TENM3: variants seen among roughly 807,000 people sequenced by gnomAD.
TENM3 encodes teneurin-3.
TENM3 carries 63 observed loss-of-function variants against 255.1 expected under a neutral mutation model. The ratio of observed to expected loss-of-function variants is 0.25; its 90% confidence interval spans 0.20 to 0.30. TENM3 has a LOEUF of 0.30. TENM3 is among the 10% of genes least tolerant of loss of function. The pLI is 1.00. For synonymous variants in TENM3, 1,306 were observed against 1,322.3 expected, an observed-to-expected ratio of 0.99 and a Z score of 0.27; for missense variants, 2,929 against 3,461.1, an observed-to-expected ratio of 0.85 and a Z score of 3.86.
At chr4:181,900,606 A>G in the TENM3 span, among the ~76,000 whole-genome samples, 8 of 152,208 alleles carry the variant, frequency 5.3e-5, no homozygotes, top group African/African-American at 1.9e-4. Context: ...ATACTCTTGA[A>G]GTCTCCAAGC....
chr4:182,274,795 G>A (rs1759883210), intron 1 of TENM3, among the ~76,000 whole-genome samples: 3 of 152,118 alleles, frequency 2.0e-5, no homozygotes, highest in South Asian at 4.2e-4. Flanking sequence ...AAGTCCAGTG[G>A]TCTCTAATTT....
At chr4:182,448,798 CGGGGCGAGGGGGT>C (rs1352119760) in intron 3 of TENM3, among the ~76,000 whole-genome samples, 1 of 149,828 alleles carries the variant, frequency 6.7e-6, no homozygotes, top group African/African-American at 2.5e-5. Flanking sequence ...GTGTGTGGAG[CGGGGCGAGGGGGT>C]GAGGCGAGGG....
At chr4:181,712,694 C>T in the TENM3 span, among the ~76,000 whole-genome samples, 2,834 of 152,274 alleles carry the variant, frequency 0.019, 46 homozygotes, top group Middle Eastern at 0.11. Flanking sequence ...TGCAGTGGGA[C>T]TGCAGTTTAT....
Position 182,754,457 on chromosome 4 carries a change from G to A in TENM3, c.4090G>A (p.Val1364Ile). 1 of 1,612,230 alleles carries A rather than the reference G, an allele frequency of 6.2e-7. No individual in the cohort carries two copies. The highest frequency in any genetic ancestry group is 8.5e-7 in the Non-Finnish European group (1 of 1,179,084). The change falls in exon 22 of 28, where the codon GTA becomes ATA. Residue 1364 changes from valine (V) to isoleucine (I), a missense_variant. By Grantham distance (29) the Val-to-Ile change is conservative. Transcript: ENST00000511685. The surrounding 1 kb of genome is among the most constrained non-coding windows in gnomAD (Gnocchi z 5.1). Reference protein sequence around the residue: ...DNSIYVLDNNVVLQITENRQV... With the variant: ...DNSIYVLDNNIVLQITENRQV... ...CTCCATTTATGTCCTGGATAATAAT[G>A]TAGTTTTACAGATCACTGAAAATCG...
chr4:182,452,521 G>A (rs114513611), intron 3 of TENM3, among the ~76,000 whole-genome samples: 1,946 of 152,276 alleles, frequency 0.013, 36 homozygotes, highest in African/African-American at 0.038. Flanking sequence ...GGCTATTAGA[G>A]GAGTGGGAGA....
chr4:181,960,447 G>A, the TENM3 span, among the ~76,000 whole-genome samples: 1 of 152,254 alleles, frequency 6.6e-6, no homozygotes, highest in African/African-American at 2.4e-5. Context: ...TTTCTTGAGG[G>A]CAACTTTAAA....
At chr4:181,626,427 G>C in the TENM3 span, among the ~76,000 whole-genome samples, 5 of 152,174 alleles carry the variant, frequency 3.3e-5, no homozygotes, top group Admixed American at 3.3e-4. Flanking sequence ...AAAGAAAAGA[G>C]GTTGCATTGG....
the TENM3 span, among the ~76,000 whole-genome samples, chr4:181,972,018 A>G: frequency 9.4e-6 from 1 of 106,398 alleles, no homozygotes; most frequent in Admixed American, 8.1e-5. Flanking sequence ...AGCAAACTGC[A>G]TCAGTTTTTT....
At chr4:182,124,517 G>A in the TENM3 span, among the ~76,000 whole-genome samples, 1 of 152,196 alleles carries the variant, frequency 6.6e-6, no homozygotes, top group African/African-American at 2.4e-5. Flanking sequence ...TGTTCACCAA[G>A]GGAGTGAGTC....
Position 182,346,665 on chromosome 4 carries a change from C to G in TENM3, c.247C>G (p.Leu83Val), listed in dbSNP as rs748767039. The part of the protein sequence containing the change: ...EFTRQGQNFT[L>V]RQLGVCEPAT... ...CCCCTAATTAGGACAGAATTTTACCCTAAGGCAGTTAGGAGTTTGTGAACC... is the reference window on the plus strand; with the variant it reads ...CCCCTAATTAGGACAGAATTTTACCGTAAGGCAGTTAGGAGTTTGTGAACC... Residue 83 changes from leucine to valine, a missense_variant, in exon 3 of 28, where the codon CTA becomes GTA. This residue lies in a region of TENM3 where 283 missense variants were observed against 256.9 expected (regional missense o/e 1.10). Coordinates refer to ENST00000511685, the MANE Select transcript of TENM3 (RefSeq NM_001080477.4). The G allele has an allele frequency of 1.7e-5, 27 of 1,613,458 alleles. No homozygotes were observed. Among genetic ancestry groups the G allele is most frequent in the Non-Finnish European group, 2.3e-5 (27 of 1,179,800 alleles).
At chr4:181,628,525 G>C in the TENM3 span, among the ~76,000 whole-genome samples, 66 of 152,304 alleles carry the variant, frequency 4.3e-4, 1 homozygote, top group African/African-American at 1.6e-3. Flanking sequence ...GTGTAAGGAA[G>C]GGATCCAGTT....
the TENM3 span, among the ~76,000 whole-genome samples, chr4:181,662,758 A>G: frequency 1.3e-5 from 2 of 152,206 alleles, no homozygotes; most frequent in Admixed American, 6.5e-5. Context: ...TTCTCCTTGA[A>G]GTGTTTTATA....
the TENM3 span, among the ~76,000 whole-genome samples, chr4:182,051,969 G>T: frequency 6.6e-6 from 1 of 152,078 alleles, no homozygotes; most frequent in African/African-American, 2.4e-5. Flanking sequence ...TTGCCTCTCA[G>T]GGGTCATTTG....
intron 3 of TENM3, among the ~76,000 whole-genome samples, chr4:182,557,615 T>C (rs1378487865): frequency 1.3e-5 from 2 of 152,176 alleles, no homozygotes; most frequent in Non-Finnish European, 2.9e-5. Context: ...AATCTACATA[T>C]AGTCTCTAGC....
the TENM3 span, among the ~76,000 whole-genome samples, chr4:181,875,106 G>A: frequency 3.9e-5 from 6 of 152,154 alleles, no homozygotes; most frequent in East Asian, 5.8e-4. Flanking sequence ...GTCTCTGTTC[G>A]CATTTTGGTA....
the TENM3 span, among the ~76,000 whole-genome samples, chr4:181,521,014 C>A: frequency 6.6e-6 from 1 of 152,166 alleles, no homozygotes; most frequent in Non-Finnish European, 1.5e-5. Context: ...TCCTCTGTTG[C>A]GTGTAGGTCT....
intron 3 of TENM3, among the ~76,000 whole-genome samples, chr4:182,563,635 G>A (rs1580950109): frequency 2.0e-5 from 3 of 152,074 alleles, no homozygotes; most frequent in African/African-American, 7.2e-5. Context: ...TGTAGCAGGG[G>A]CAGTTACTAT....
intron 3 of TENM3, among the ~76,000 whole-genome samples, chr4:182,500,427 ATT>A (rs1478222468): frequency 2.0e-5 from 3 of 152,200 alleles, no homozygotes; most frequent in Non-Finnish European, 2.9e-5. Context: ...GATTAATGAA[ATT>A]GAAGAGCAGT....
chr4:182,662,178 T>C (rs1480201128), intron 6 of TENM3, among the ~76,000 whole-genome samples: 1 of 152,218 alleles, frequency 6.6e-6, no homozygotes, highest in Non-Finnish European at 1.5e-5. Flanking sequence ...GGGTATCACA[T>C]AAGAAGGAGA....
Sources: allele counts gnomAD v4.1 joint callset (sites outside exome capture counted in the v4.1 genomes callset), GRCh38; gene constraint gnomAD v4.1.1; regional missense constraint gnomAD v4.1.1; non-coding constraint Gnocchi (gnomAD v3.1); transcripts MANE v1.5; gene names NCBI Gene and HGNC (gene_info 2026-07-23, HGNC 2026-07-21).